BCL11B: variants seen among roughly 807,000 people sequenced by gnomAD.
BCL11B encodes the protein BCL11 transcription factor B.
BCL11B carries 8 observed loss-of-function variants against 49.9 expected under a neutral mutation model. The ratio of observed to expected loss-of-function variants is 0.16; its 90% CI spans 0.09 to 0.29. BCL11B has a LOEUF of 0.29. Among genes scored for constraint, BCL11B ranks in the 10% least tolerant of loss-of-function variants. The pLI, the probability that BCL11B is intolerant of heterozygous loss-of-function variation, is 1.00. For synonymous variants in BCL11B, 739 were observed against 637.4 expected, an observed-to-expected ratio of 1.16 and a Z score of -2.40; for missense variants, 1,006 against 1,351.0, an observed-to-expected ratio of 0.74 and a Z score of 4.00.
chr14:99,189,968 C>T (rs1244366625), intron 3 of BCL11B, among the ~76,000 whole-genome samples: 1 of 152,120 alleles, frequency 6.6e-6, no homozygotes, highest in African/African-American at 2.4e-5. Flanking sequence ...TGGGCTGGCC[C>T]GCAGAAGCAG....
At chr14:99,268,314 G>C (rs906431150) in intron 1 of BCL11B, among the ~76,000 whole-genome samples, 1 of 149,742 alleles carries the variant, frequency 6.7e-6, no homozygotes, top group African/African-American at 2.5e-5. Context: ...AAGACCATGC[G>C]TGCTATTTGT....
At chr14:99,185,211 C>T (rs766867406) in intron 3 of BCL11B, among the ~76,000 whole-genome samples, 10 of 152,036 alleles carry the variant, frequency 6.6e-5, no homozygotes, top group Non-Finnish European at 1.3e-4. Flanking sequence ...CCAAGGTGGG[C>T]GGATCACCTG....
chr14:99,255,918 C>T (rs1889149871), intron 2 of BCL11B, among the ~76,000 whole-genome samples: 1 of 152,234 alleles, frequency 6.6e-6, no homozygotes, highest in Non-Finnish European at 1.5e-5. Flanking sequence ...GGGCACCCAT[C>T]AGAAGGCAAG....
At chr14:99,219,796 A>C (rs531799501) in intron 3 of BCL11B, among the ~76,000 whole-genome samples, 1 of 147,382 alleles carries the variant, frequency 6.8e-6, no homozygotes, top group African/African-American at 2.6e-5. Flanking sequence ...TAAAAAATAA[A>C]GATAAAAAAT....
rs185278382 is a variant in BCL11B, at chr14:99,267,919, T to C, written c.58+3242A>G. 2.0e-3 allele frequency among the ~76,000 whole-genome samples: 310 copies of C among 152,296 alleles called. 6 individuals carry two copies. Among genetic ancestry groups the C allele is most frequent in the Non-Finnish European group, 2.2e-4 (15 of 68,026 alleles). On this transcript the variant is annotated intron_variant, in intron 1 of 3. Coordinates refer to ENST00000357195, the MANE Select transcript of BCL11B (RefSeq NM_138576.4). The stretch of plus-strand genomic sequence containing the variant: ...TGGACATCTTATTTTCCTTGGTCTC[T>C]TCAGAAAGCATCAAGCTCCTTCTTG...
chr14:99,188,716 C>A (rs555237980), intron 3 of BCL11B, among the ~76,000 whole-genome samples: 56 of 152,276 alleles, frequency 3.7e-4, no homozygotes, highest in African/African-American at 1.3e-3. Context: ...CCACAGTGGG[C>A]TCCCTTCTCC....
intron 2 of BCL11B, among the ~76,000 whole-genome samples, chr14:99,255,405 GAAAAAAAAAAAA>G (rs67440207): frequency 1.5e-4 from 10 of 65,184 alleles, no homozygotes; most frequent in African/African-American, 4.4e-4. Flanking sequence ...TCACAACCTG[GAAAAAAAAAAAA>G]AAAAAAAAAA....
In BCL11B at chr14:99,234,996, C is replaced by G. The variant is rs533337937; in HGVS notation, c.428-3439G>C. Among the ~76,000 whole-genome samples, 98 of 152,262 alleles carry G rather than the reference C, an allele frequency of 6.4e-4. 1 individual carries two copies. The highest frequency in any genetic ancestry group is 9.7e-4 in the Non-Finnish European group (66 of 68,022). ...AAGCATTCCACAGGGGTCTGTCACC[C>G]GTCTCTCTTCTAGAGGGACTTTGCA... On this transcript the variant is annotated intron_variant, in intron 2 of 3. Transcript: ENST00000357195.
At chr14:99,183,820 C>T (rs991603215) in intron 3 of BCL11B, among the ~76,000 whole-genome samples, 1 of 151,872 alleles carries the variant, frequency 6.6e-6, no homozygotes, top group Non-Finnish European at 1.5e-5. Flanking sequence ...GTCCACATGC[C>T]GCCCTCCACA....
chr14:99,227,872 C>T (rs1162262532), intron 3 of BCL11B, among the ~76,000 whole-genome samples: 1 of 152,038 alleles, frequency 6.6e-6, no homozygotes, highest in Non-Finnish European at 1.5e-5. Context: ...ACTCAAAGCC[C>T]CACCTTCCTT....
intron 3 of BCL11B, among the ~76,000 whole-genome samples, chr14:99,193,956 A>G (rs1178922764): frequency 6.6e-6 from 1 of 152,190 alleles, no homozygotes; most frequent in African/African-American, 2.4e-5. Flanking sequence ...GCAGTGCTCC[A>G]GCCAATGAGA....
intron 3 of BCL11B, among the ~76,000 whole-genome samples, chr14:99,191,308 C>A (rs977361830): frequency 6.6e-6 from 1 of 152,018 alleles, no homozygotes; most frequent in Non-Finnish European, 1.5e-5. Context: ...AAAGGATGAG[C>A]CAGTCCACAT....
intron 3 of BCL11B, among the ~76,000 whole-genome samples, chr14:99,178,664 T>C (rs933449516): frequency 6.6e-6 from 1 of 152,190 alleles, no homozygotes; most frequent in Non-Finnish European, 1.5e-5. Context: ...ACACCCTTTT[T>C]GGGAACAAGG....
At chr14:99,237,264 C>G (rs1359724189) in intron 2 of BCL11B, among the ~76,000 whole-genome samples, 1 of 147,968 alleles carries the variant, frequency 6.8e-6, no homozygotes, top group African/African-American at 2.5e-5. Context: ...CTTTTAATTA[C>G]CAAGGTCTAG....
intron 1 of BCL11B, among the ~76,000 whole-genome samples, chr14:99,269,127 G>T (rs994601677): frequency 3.3e-5 from 5 of 152,048 alleles, no homozygotes; most frequent in African/African-American, 1.2e-4. Flanking sequence ...CAGCTTGGCA[G>T]TGCACCCCCA....
Position 99,262,026 on chromosome 14 carries a change from A to C in BCL11B, c.59-4187T>G, listed in dbSNP as rs1439664205. 6.6e-6 allele frequency among the ~76,000 whole-genome samples: 1 copy of C among 152,236 alleles called. No homozygotes were observed. The highest frequency in any genetic ancestry group is 1.5e-5 in the Non-Finnish European group (1 of 68,036). ...GGACATCGTTGTTAAGTGAAAGGGG[A>C]AGCACTTGATCCCAAGACAAACTTC... On this transcript the variant is annotated intron_variant, in intron 1 of 3. Transcript: ENST00000357195. This position sits in a 1 kb window ranked among gnomAD's most constrained non-coding sequence, Gnocchi z 4.2.
chr14:99,232,882 A>G lies in BCL11B; in HGVS notation c.428-1325T>C, dbSNP rs2139895138. On this transcript the variant is annotated intron_variant, in intron 2 of 3. Transcript: ENST00000357195. This position sits in a 1 kb window ranked among gnomAD's most constrained non-coding sequence, Gnocchi z 5.1. Reference sequence around the variant, plus strand: ...GGATCAAGGCATCAGGGCATTTAAGAAGACCCCCTGCTTAGGGATTGCAAG... The same window carrying G: ...GGATCAAGGCATCAGGGCATTTAAGGAGACCCCCTGCTTAGGGATTGCAAG... 6.6e-6 allele frequency among the ~76,000 whole-genome samples: 1 copy of G among 152,300 alleles called. No individual in the cohort carries two copies. Among genetic ancestry groups the G allele is most frequent in the African/African-American group, 2.4e-5 (1 of 41,564 alleles).
rs910641652 is a variant in BCL11B, at chr14:99,194,629, A to C, written c.641-18434T>G. On this transcript the variant is annotated intron_variant, in intron 3 of 3. Transcript: ENST00000357195. This position sits in a 1 kb window ranked among gnomAD's most constrained non-coding sequence, Gnocchi z 4.6. ...CGGTGTGAAAGGCCTTGTCTGCAAAATGGCCCCCAGAGGAAGCTAATATTT... is the reference window on the plus strand; with the variant it reads ...CGGTGTGAAAGGCCTTGTCTGCAAACTGGCCCCCAGAGGAAGCTAATATTT... Among the ~76,000 whole-genome samples the C allele has an allele frequency of 6.6e-6, 1 of 152,208 alleles. No individual in the cohort carries two copies. The highest frequency in any genetic ancestry group is 1.5e-5 in the Non-Finnish European group (1 of 68,022).
rs118045050 is a variant in BCL11B at position 99,211,339 on chromosome 14, A to G, written c.640+20006T>C. Among the ~76,000 whole-genome samples, 676 of 152,304 alleles carry G rather than the reference A, an allele frequency of 4.4e-3. 37 individuals are homozygous for G. In the East Asian group the frequency reaches 0.11, roughly 25 times the overall value. Reference sequence around the variant, plus strand: ...GGTCCCCATGAGAGCCTGCAGCTGGACAGCCTCTGGGCCCAGGGCAGAGTC... The same window carrying G: ...GGTCCCCATGAGAGCCTGCAGCTGGGCAGCCTCTGGGCCCAGGGCAGAGTC... On this transcript the variant is annotated intron_variant, in intron 3 of 3. Transcript: ENST00000357195.
Sources: allele counts gnomAD v4.1 joint callset (sites outside exome capture counted in the v4.1 genomes callset), GRCh38; gene constraint gnomAD v4.1.1; non-coding constraint Gnocchi (gnomAD v3.1); transcripts MANE v1.5; gene names NCBI Gene and HGNC (gene_info 2026-07-23, HGNC 2026-07-21).